The following GPR158 variants were observed in gnomAD, a reference collection of about 807,000 sequenced individuals.
The protein encoded by GPR158 is metabotropic glycine receptor.
GPR158 carries 30 observed loss-of-function variants against 78.2 expected under a neutral mutation model. The observed-to-expected ratio is 0.38, with a 90% confidence interval of 0.29 to 0.52. The LOEUF is 0.52. GPR158 is among the 20% of genes least tolerant of loss of function. GPR158 has a pLI of 0.83. For synonymous variants in GPR158, 581 were observed against 591.1 expected, an observed-to-expected ratio of 0.98 and a Z score of 0.25; for missense variants, 1,463 against 1,523.5, an observed-to-expected ratio of 0.96 and a Z score of 0.66.
At chr10:25,268,418 C>T (rs1042979240) in intron 2 of GPR158, among the ~76,000 whole-genome samples, 1 of 151,908 alleles carries the variant, frequency 6.6e-6, no homozygotes, top group Non-Finnish European at 1.5e-5. Flanking sequence ...GGAGAGTCTT[C>T]CTGGATTCGA....
chr10:25,274,206 T>G (rs180881439), intron 2 of GPR158, among the ~76,000 whole-genome samples: 2 of 152,328 alleles, frequency 1.3e-5, no homozygotes, highest in East Asian at 3.9e-4. Flanking sequence ...TTCTAAACAT[T>G]TGTCTTTAGG....
chr10:25,311,034 T>A (rs1036993410), intron 2 of GPR158, among the ~76,000 whole-genome samples: 1 of 152,012 alleles, frequency 6.6e-6, no homozygotes, highest in Non-Finnish European at 1.5e-5. Context: ...TGGGTTTACT[T>A]CTCTTTTGTT....
intron 2 of GPR158, among the ~76,000 whole-genome samples, chr10:25,227,387 A>C (rs931655430): frequency 6.6e-6 from 1 of 152,154 alleles, no homozygotes; most frequent in African/African-American, 2.4e-5. Flanking sequence ...AATACAATAC[A>C]TCTTTCCCTG....
intron 2 of GPR158, among the ~76,000 whole-genome samples, chr10:25,380,024 G>A (rs1417374744): frequency 6.6e-6 from 1 of 151,482 alleles, no homozygotes; most frequent in Non-Finnish European, 1.5e-5. Context: ...TTTGGTAGGT[G>A]CTACAGCTTG....
intron 2 of GPR158, among the ~76,000 whole-genome samples, chr10:25,372,156 A>G (rs1834004278): frequency 6.6e-6 from 1 of 151,850 alleles, no homozygotes; most frequent in South Asian, 2.1e-4. Flanking sequence ...AACCACAATG[A>G]GATACCATCT....
intron 2 of GPR158, among the ~76,000 whole-genome samples, chr10:25,241,270 TC>T (rs1207267161): frequency 0.046 from 5,721 of 124,988 alleles, 601 homozygotes; most frequent in Non-Finnish European, 0.066. Flanking sequence ...TTTCTTTCTT[TC>T]CTTTCTTTCT....
At position 25,220,956 on chromosome 10, in the gene GPR158, T is replaced by C. The variant is rs920290005; in HGVS notation, c.903-96T>C. 8 of 747,914 alleles carry C rather than the reference T, an allele frequency of 1.1e-5. No individual in the cohort carries two copies. The East Asian group carries it at 1.8e-4, about 17-fold the overall frequency. The allele number at this position is 747,914 out of a possible 1,614,324, so 46.3% of individuals were successfully genotyped here. A position where few individuals can be genotyped will look rare whatever the true frequency, so the allele number is the denominator to read the frequency against. On this transcript the variant is annotated intron_variant, in intron 1 of 10. Transcript: ENST00000376351. ...GTAGGCAATTTGACAATTTTTGGCA[T>C]GTTCTTTATGATAATTTTCTAATTT...
At chr10:25,267,084 C>T (rs1297731085) in intron 2 of GPR158, among the ~76,000 whole-genome samples, 2 of 152,048 alleles carry the variant, frequency 1.3e-5, no homozygotes, top group Non-Finnish European at 2.9e-5. Flanking sequence ...TCAAATATAG[C>T]TAGAACCTCT....
intron 7 of GPR158, among the ~76,000 whole-genome samples, chr10:25,579,486 C>T (rs1837157560): frequency 6.6e-6 from 1 of 152,096 alleles, no homozygotes; most frequent in African/African-American, 2.4e-5. Context: ...TAATGGAGTT[C>T]ATCCGTTGAC....
intron 7 of GPR158, among the ~76,000 whole-genome samples, chr10:25,580,923 A>AT (rs71677287): frequency 0.068 from 6,907 of 102,258 alleles, 355 homozygotes; most frequent in African/African-American, 0.16. Context: ...ATTTTATTTT[A>AT]TTTTATTTTT....
intron 2 of GPR158, among the ~76,000 whole-genome samples, chr10:25,342,837 T>C (rs569002551): frequency 4.6e-5 from 7 of 151,812 alleles, no homozygotes; most frequent in Admixed American, 2.0e-4. Context: ...TTTGCATACT[T>C]CTTGGTTTTA....
chr10:25,449,606 C>T (rs1835187237), intron 4 of GPR158, among the ~76,000 whole-genome samples: 1 of 152,076 alleles, frequency 6.6e-6, no homozygotes, highest in Non-Finnish European at 1.5e-5. Context: ...GAGGTGGGTA[C>T]TGGAAGATGT....
At chr10:25,451,825 A>G (rs956363660) in intron 4 of GPR158, among the ~76,000 whole-genome samples, 9 of 152,298 alleles carry the variant, frequency 5.9e-5, no homozygotes, top group African/African-American at 2.2e-4. Flanking sequence ...TATTGTTATC[A>G]TTGTTGTTAC....
At chr10:25,527,379 G>T (rs1836363881) in intron 5 of GPR158, among the ~76,000 whole-genome samples, 2 of 151,808 alleles carry the variant, frequency 1.3e-5, no homozygotes, top group Non-Finnish European at 2.9e-5. Context: ...TTTTAAAATG[G>T]AGATAAAAAA....
At chr10:25,214,821 G>A (rs1031934891) in intron 1 of GPR158, among the ~76,000 whole-genome samples, 1 of 151,986 alleles carries the variant, frequency 6.6e-6, no homozygotes, top group East Asian at 1.9e-4. Context: ...ACAAGTCAGG[G>A]AGAGAAGCTC....
chr10:25,541,782 C>G (rs1168461829), intron 5 of GPR158, among the ~76,000 whole-genome samples: 2 of 151,850 alleles, frequency 1.3e-5, no homozygotes, highest in Non-Finnish European at 2.9e-5. Flanking sequence ...CTAGTATGAC[C>G]TTTGTGGAGT....
intron 2 of GPR158, among the ~76,000 whole-genome samples, chr10:25,361,171 A>G (rs7079188): frequency 0.083 from 12,569 of 151,954 alleles, 1,299 homozygotes; most frequent in African/African-American, 0.25. Context: ...CCACAAATAA[A>G]TAGAATCATA....
chr10:25,420,703 A>G (rs1248752143), intron 4 of GPR158, among the ~76,000 whole-genome samples: 1 of 152,142 alleles, frequency 6.6e-6, no homozygotes, highest in Non-Finnish European at 1.5e-5. Flanking sequence ...TTTTCCCAAC[A>G]CCATTTGTTG....
intron 2 of GPR158, among the ~76,000 whole-genome samples, chr10:25,320,718 T>A (rs1295317313): frequency 6.6e-6 from 1 of 152,242 alleles, no homozygotes; most frequent in African/African-American, 2.4e-5. Flanking sequence ...TGAACTGTCA[T>A]TTTTGTATTA....
Sources: gnomAD v4.1 joint callset for allele counts (sites outside exome capture counted in the v4.1 genomes callset) on GRCh38, gnomAD v4.1.1 for gene constraint, MANE v1.5 for transcripts, NCBI Gene and HGNC (gene_info 2026-07-23, HGNC 2026-07-21) for gene names.